Variants in MDGA2 observed in about 807,000 individuals in gnomAD.
MDGA2 encodes the protein MAM domain-containing glycosylphosphatidylinositol anchor protein 2.
MDGA2 carries 40 observed loss-of-function variants against 117.8 expected under a neutral mutation model. The observed-to-expected ratio is 0.34, with a 90% CI of 0.26 to 0.44. MDGA2 has a LOEUF of 0.44. Among genes scored for constraint, MDGA2 ranks in the 20% least tolerant of loss-of-function variants. The pLI is 1.00. For missense variants in MDGA2, 1,123 were observed against 1,250.6 expected (o/e 0.90, Z 1.54); for synonymous variants, 452 against 439.0 (o/e 1.03, Z -0.37).
At chr14:47,467,591 T>C (rs74045096) in intron 1 of MDGA2, among the ~76,000 whole-genome samples, 362 of 152,232 alleles carry the variant, frequency 2.4e-3, no homozygotes, top group African/African-American at 8.2e-3. Flanking sequence ...AGTGGGTACA[T>C]TGAAAGTCTC....
At chr14:47,627,961 A>C (rs1362347601) in intron 1 of MDGA2, among the ~76,000 whole-genome samples, 1 of 152,102 alleles carries the variant, frequency 6.6e-6, no homozygotes, top group African/African-American at 2.4e-5. Flanking sequence ...AAGAACTGTA[A>C]CACTCACCGT....
At chr14:47,666,364 G>A (rs1244330084) in intron 1 of MDGA2, among the ~76,000 whole-genome samples, 1 of 145,538 alleles carries the variant, frequency 6.9e-6, no homozygotes, top group Non-Finnish European at 1.5e-5. Context: ...GGGACTTAGA[G>A]AACCTTTATG....
At chr14:47,619,566 C>G (rs1213859821) in intron 1 of MDGA2, among the ~76,000 whole-genome samples, 1 of 152,162 alleles carries the variant, frequency 6.6e-6, no homozygotes, top group Non-Finnish European at 1.5e-5. Context: ...CACATCTCTC[C>G]AGCTTTCGGA....
intron 1 of MDGA2, among the ~76,000 whole-genome samples, chr14:47,335,675 T>A (rs868437681): frequency 6.9e-6 from 1 of 145,584 alleles, no homozygotes. Context: ...TGTGTACAGA[T>A]GTATGTATTT....
intron 3 of MDGA2, among the ~76,000 whole-genome samples, chr14:47,210,517 T>G (rs893188073): frequency 6.6e-6 from 1 of 152,200 alleles, no homozygotes; most frequent in Non-Finnish European, 1.5e-5. Flanking sequence ...TTAAATGTCC[T>G]CAAGAATCTT....
At chr14:47,417,878 A>G (rs1892505313) in intron 1 of MDGA2, among the ~76,000 whole-genome samples, 1 of 151,806 alleles carries the variant, frequency 6.6e-6, no homozygotes, top group Non-Finnish European at 1.5e-5. Context: ...CATGCCAGGC[A>G]TATTTCTAAA....
intron 1 of MDGA2, among the ~76,000 whole-genome samples, chr14:47,312,203 A>C (rs1889657188): frequency 6.6e-6 from 1 of 152,150 alleles, no homozygotes; most frequent in African/African-American, 2.4e-5. Flanking sequence ...TTATTTGAGG[A>C]TGGAGTTCTG....
intron 8 of MDGA2, among the ~76,000 whole-genome samples, chr14:46,993,620 C>A (rs1191175811): frequency 6.6e-6 from 1 of 151,882 alleles, no homozygotes; most frequent in Non-Finnish European, 1.5e-5. Context: ...TGCCACCACG[C>A]CCAGCTAATT....
At chr14:47,116,715 A>C (rs1881349661) in intron 5 of MDGA2, among the ~76,000 whole-genome samples, 1 of 152,120 alleles carries the variant, frequency 6.6e-6, no homozygotes, top group Non-Finnish European at 1.5e-5. Context: ...GCAAAGAAAA[A>C]AATTAAATCT....
At chr14:47,156,924 T>C (rs1011158354) in intron 3 of MDGA2, among the ~76,000 whole-genome samples, 2 of 152,214 alleles carry the variant, frequency 1.3e-5, no homozygotes, top group African/African-American at 2.4e-5. Context: ...ATATGAGTGA[T>C]AGCTCATAAC....
chr14:47,381,477 A>T (rs1437055415), intron 1 of MDGA2, among the ~76,000 whole-genome samples: 1 of 152,330 alleles, frequency 6.6e-6, no homozygotes, highest in Non-Finnish European at 1.5e-5. Context: ...GTCTCAGCCC[A>T]AAATCTCCTT....
chr14:47,393,054 A>T (rs1246007007), intron 1 of MDGA2, among the ~76,000 whole-genome samples: 1 of 151,168 alleles, frequency 6.6e-6, no homozygotes, highest in Non-Finnish European at 1.5e-5. Context: ...TTGTTAGATG[A>T]ACCTTGAATT....
chr14:47,651,910 A>C (rs941173899), intron 1 of MDGA2, among the ~76,000 whole-genome samples: 2 of 152,184 alleles, frequency 1.3e-5, no homozygotes, highest in African/African-American at 4.8e-5. Context: ...TGGGTAGACC[A>C]AGAGTCCAGC....
At chr14:47,092,344 C>A (rs576346416) in intron 6 of MDGA2, among the ~76,000 whole-genome samples, 2 of 152,200 alleles carry the variant, frequency 1.3e-5, no homozygotes, top group Admixed American at 1.3e-4. Flanking sequence ...CTCACTTTTA[C>A]CTGAAAATAG....
intron 1 of MDGA2, among the ~76,000 whole-genome samples, chr14:47,646,794 G>A (rs1269238474): frequency 1.3e-5 from 2 of 152,166 alleles, no homozygotes; most frequent in African/African-American, 4.8e-5. Flanking sequence ...TTTGATCAGA[G>A]CCATTTTATG....
intron 14 of MDGA2, among the ~76,000 whole-genome samples, chr14:46,865,536 G>A (rs1397719801): frequency 6.6e-6 from 1 of 152,050 alleles, no homozygotes; most frequent in Non-Finnish European, 1.5e-5. Context: ...GGAAGTTCTG[G>A]CCAGGGCAAT....
chr14:47,421,431 A>G (rs571226121), intron 1 of MDGA2, among the ~76,000 whole-genome samples: 7 of 152,312 alleles, frequency 4.6e-5, no homozygotes, highest in Non-Finnish European at 1.0e-4. Flanking sequence ...TTTCAGAAAA[A>G]GATGGACAGT....
At position 47,663,541 on chromosome 14, in the gene MDGA2, T is replaced by C. The variant is rs1398081674; in HGVS notation, c.280+10976A>G. ...AGAAAGTGTTTGCCAAAGAAAACGA[T>C]TGCATTATGCATAAAATGCTTTCTT... On this transcript the variant is annotated intron_variant, in intron 1 of 16. Coordinates refer to ENST00000399232, the MANE Select transcript of MDGA2 (RefSeq NM_001113498.3). Among the ~76,000 whole-genome samples the C allele has an allele frequency of 2.0e-5, 3 of 152,242 alleles. No homozygotes were observed. In the South Asian group the frequency reaches 6.2e-4, roughly 31 times the overall value.
intron 1 of MDGA2, among the ~76,000 whole-genome samples, chr14:47,497,505 G>A (rs991247248): frequency 4.6e-5 from 7 of 151,998 alleles, no homozygotes; most frequent in African/African-American, 1.2e-4. Flanking sequence ...TGATCTGCCC[G>A]CCTCAACCTC....
Sources: allele counts gnomAD v4.1 joint callset (sites outside exome capture counted in the v4.1 genomes callset), GRCh38; gene constraint gnomAD v4.1.1; transcripts MANE v1.5; gene names NCBI Gene and HGNC (gene_info 2026-07-23, HGNC 2026-07-21).